MTDH: variants seen among roughly 807,000 people sequenced by gnomAD.
MTDH encodes the protein metadherin, also known as protein LYRIC.
In MTDH, 34 loss-of-function variants were observed where a neutral mutation model predicts 72.7. The observed-to-expected ratio is 0.47, with a 90% CI of 0.36 to 0.62. MTDH has a LOEUF of 0.62. Ranked by LOEUF, MTDH falls within the 20% of genes least tolerant of loss-of-function variation. MTDH has a pLI of 0.00. For missense variants in MTDH, 677 were observed against 699.4 expected, an observed-to-expected ratio of 0.97 and a Z score of 0.36; for synonymous variants, 266 against 268.9, an observed-to-expected ratio of 0.99 and a Z score of 0.10.
At chr8:97,705,339 C>T (rs541369327) in intron 7 of MTDH, among the ~76,000 whole-genome samples, 4 of 151,592 alleles carry the variant, frequency 2.6e-5, no homozygotes, top group Non-Finnish European at 5.9e-5. Context: ...TGGTGCCTCA[C>T]GCCTATAATC....
At chr8:97,682,170 GT>G (rs1813106085) in intron 2 of MTDH, among the ~76,000 whole-genome samples, 1 of 124,352 alleles carries the variant, frequency 8.0e-6, no homozygotes, top group Non-Finnish European at 1.6e-5. Context: ...TTATTTTAAA[GT>G]TTTTCATAAG....
rs541692580 is a variant in MTDH at position 97,727,544 on chromosome 8, A to G, written c.*2874A>G. On this transcript the variant is annotated 3_prime_UTR_variant, in exon 12 of 12. Transcript: ENST00000336273. ...TGAACAGGAACTGGTTTCCATCATC[A>G]ACTCAGAAAGCACTAAAATCTAGGT... 7.9e-5 allele frequency: 12 copies of G among 151,516 alleles called. No homozygotes were observed. Among genetic ancestry groups the G allele is most frequent in the Admixed American group, 4.0e-4 (6 of 15,154 alleles). The allele number at this position is 151,516 out of a possible 1,614,324, so 9.4% of individuals were successfully genotyped here.
intron 1 of MTDH, among the ~76,000 whole-genome samples, chr8:97,645,281 C>T (rs1161650023): frequency 6.6e-6 from 1 of 152,148 alleles, no homozygotes; most frequent in Non-Finnish European, 1.5e-5. Context: ...TGTATAAAGA[C>T]TGCGCTCGGA....
At chr8:97,660,089 G>A (rs1260231693) in intron 1 of MTDH, among the ~76,000 whole-genome samples, 1 of 151,638 alleles carries the variant, frequency 6.6e-6, no homozygotes, top group African/African-American at 2.4e-5. Flanking sequence ...AACCTGGGAG[G>A]CAGAGGTTGC....
chr8:97,697,675 G>A (rs539052645), intron 6 of MTDH, among the ~76,000 whole-genome samples: 22 of 152,054 alleles, frequency 1.4e-4, no homozygotes, highest in Non-Finnish European at 1.2e-4. Context: ...ATGAGCCACC[G>A]CACCTGGCCT....
Position 97,713,643 on chromosome 8 carries a change from T to C in MTDH, c.1273-19T>C. 1.4e-6 allele frequency: 2 copies of C among 1,439,814 alleles called. No individual in the cohort carries two copies. The highest frequency in any genetic ancestry group is 1.9e-6 in the Non-Finnish European group (2 of 1,048,052). 89.2% of individuals were successfully genotyped at this position (1,439,814 alleles called of 1,614,324 possible). On this transcript the variant is annotated intron_variant, in intron 8 of 11. Transcript: ENST00000336273. ...CATAACCATTTGGTTCTCTTTAATA[T>C]TTTTGCTTTTAACCTAAGGTCTCAG...
intron 1 of MTDH, among the ~76,000 whole-genome samples, chr8:97,659,631 T>C (rs2130929666): frequency 6.6e-6 from 1 of 152,356 alleles, no homozygotes; most frequent in South Asian, 2.1e-4. Context: ...TGTATTGTTT[T>C]CTTGAGTATA....
At position 97,692,663 on chromosome 8, in the gene MTDH, C is replaced by T. The variant is rs144759769; in HGVS notation, c.1048+1475C>T. ...AAAGTGTTAGGATTACAGGCCACGG[C>T]GCCCAGCCAATTTTCCTTTTTTTAA... is the stretch of plus-strand genomic sequence containing the variant. On this transcript the variant is annotated intron_variant, in intron 6 of 11. Transcript: ENST00000336273. 6.2e-4 allele frequency among the ~76,000 whole-genome samples: 94 copies of T among 152,212 alleles called. No individual in the cohort carries two copies. In the East Asian group the frequency reaches 0.015, roughly 24 times the overall value.
chr8:97,708,114 C>G (rs1030361407), intron 8 of MTDH, among the ~76,000 whole-genome samples: 3 of 151,006 alleles, frequency 2.0e-5, no homozygotes, highest in Non-Finnish European at 3.0e-5. Context: ...ATTACAGGCA[C>G]CTGCCACCAT....
intron 1 of MTDH, 50 bp from the exon 2 acceptor site, chr8:97,661,022 C>T (rs16896067): frequency 0.23 from 331,114 of 1,426,654 alleles, 40,831 homozygotes; most frequent in East Asian, 0.42. Flanking sequence ...AATCTTTGCA[C>T]TGATCTGCTA....
chr8:97,662,830 C>T (rs1439492982), intron 2 of MTDH, among the ~76,000 whole-genome samples: 1 of 150,966 alleles, frequency 6.6e-6, no homozygotes, highest in African/African-American at 2.4e-5. Flanking sequence ...GCTACAGTTT[C>T]TTAATGCTTC....
chr8:97,708,857 C>T (rs996341885), intron 8 of MTDH, among the ~76,000 whole-genome samples: 5 of 151,932 alleles, frequency 3.3e-5, no homozygotes, highest in African/African-American at 9.7e-5. Context: ...ACCTTGGCCC[C>T]CCAGAGTGCT....
chr8:97,702,282 G>A (rs988462352), intron 7 of MTDH, among the ~76,000 whole-genome samples: 14 of 152,262 alleles, frequency 9.2e-5, no homozygotes, highest in Admixed American at 5.2e-4. Context: ...GAATGAATTC[G>A]CTTCAGCATA....
intron 10 of MTDH, among the ~76,000 whole-genome samples, chr8:97,722,545 T>A (rs1305994135): frequency 1.3e-5 from 2 of 152,186 alleles, no homozygotes; most frequent in African/African-American, 2.4e-5. Context: ...GAGGTTGCAG[T>A]GAGCCAAGAT....
chr8:97,722,037 GT>G (rs1815149447), intron 10 of MTDH, among the ~76,000 whole-genome samples: 1 of 152,140 alleles, frequency 6.6e-6, no homozygotes, highest in Non-Finnish European at 1.5e-5. Context: ...TTTTCCTTCT[GT>G]TTTTCACAAA....
chr8:97,712,215 T>G (rs1275626170), intron 8 of MTDH, among the ~76,000 whole-genome samples: 1 of 152,152 alleles, frequency 6.6e-6, no homozygotes, highest in Admixed American at 6.6e-5. Flanking sequence ...TTTTTTTATT[T>G]TTAGTAGAGA....
At chr8:97,685,385 T>C (rs1372490968) in intron 2 of MTDH, among the ~76,000 whole-genome samples, 1 of 152,194 alleles carries the variant, frequency 6.6e-6, no homozygotes, top group Non-Finnish European at 1.5e-5. Context: ...AAAGACAATT[T>C]TTAATCACTT....
At chr8:97,657,363 C>A (rs1480072603) in intron 1 of MTDH, among the ~76,000 whole-genome samples, 1 of 152,138 alleles carries the variant, frequency 6.6e-6, no homozygotes, top group Admixed American at 6.5e-5. Context: ...TTGATTGGCC[C>A]TGGTGGGGAA....
intron 8 of MTDH, among the ~76,000 whole-genome samples, chr8:97,712,999 A>G (rs1814697109): frequency 6.6e-6 from 1 of 152,236 alleles, no homozygotes; most frequent in Non-Finnish European, 1.5e-5. Context: ...ACAGGGTCAA[A>G]TAAATTTTAA....
Sources: allele counts gnomAD v4.1 joint callset (sites outside exome capture counted in the v4.1 genomes callset), GRCh38; gene constraint gnomAD v4.1.1; transcripts MANE v1.5; gene names NCBI Gene and HGNC (gene_info 2026-07-23, HGNC 2026-07-21).